Variants in TNRC6A observed in about 807,000 individuals in gnomAD.
The protein encoded by TNRC6A is trinucleotide repeat containing adaptor 6A, also known as trinucleotide repeat-containing gene 6A protein.
In TNRC6A, 44 loss-of-function variants were observed where a neutral mutation model predicts 221.2. That is an observed-to-expected ratio of 0.20 (90% confidence interval 0.16 to 0.26). The LOEUF (loss-of-function observed/expected upper bound fraction) is 0.26. Among genes scored for constraint, TNRC6A ranks in the 10% least tolerant of loss-of-function variants. TNRC6A has a pLI of 1.00. For synonymous variants in TNRC6A, 847 were observed against 838.5 expected (o/e 1.01, Z -0.18); for missense variants, 2,199 against 2,404.4 (o/e 0.91, Z 1.79).
At chr16:24,670,881 G>T (rs59062800) in intron 2 of TNRC6A, 2 of 265,896 alleles carry the variant, frequency 7.5e-6, no homozygotes, top group Non-Finnish European at 1.6e-5. Context: ...CACCTTGCCC[G>T]TTTCTCTCAC....
intron 2 of TNRC6A, among the ~76,000 whole-genome samples, chr16:24,655,825 A>G (rs2054900071): frequency 6.6e-6 from 1 of 152,148 alleles, no homozygotes; most frequent in South Asian, 2.1e-4. Context: ...GAATTAATAA[A>G]TGTTAGATAA....
At chr16:24,769,774 T>A (rs777689898) in intron 4 of TNRC6A, among the ~76,000 whole-genome samples, 1 of 152,230 alleles carries the variant, frequency 6.6e-6, no homozygotes, top group Non-Finnish European at 1.5e-5. Flanking sequence ...TCTCTTTTCT[T>A]TACTGGTTCT....
chr16:24,612,886 A>T (rs550577961), intron 1 of TNRC6A, among the ~76,000 whole-genome samples: 2 of 152,144 alleles, frequency 1.3e-5, no homozygotes, highest in Non-Finnish European at 2.9e-5. Flanking sequence ...AAGTCATCAC[A>T]CAAGATGATA....
At chr16:24,757,077 C>G (rs2057266985) in intron 3 of TNRC6A, among the ~76,000 whole-genome samples, 1 of 152,094 alleles carries the variant, frequency 6.6e-6, no homozygotes, top group African/African-American at 2.4e-5. Context: ...TTCCCAGAAA[C>G]AAATGAAGTG....
intron 2 of TNRC6A, among the ~76,000 whole-genome samples, chr16:24,682,827 A>G (rs772333282): frequency 3.3e-5 from 5 of 152,184 alleles, no homozygotes; most frequent in Non-Finnish European, 5.9e-5. Flanking sequence ...GTCAAAACCA[A>G]TGGGAAGCCA....
chr16:24,667,341 T>G (rs890999588), intron 2 of TNRC6A, among the ~76,000 whole-genome samples: 1 of 152,122 alleles, frequency 6.6e-6, no homozygotes, highest in African/African-American at 2.4e-5. Context: ...CCTGGCCCCC[T>G]GCACATGGCA....
Position 24,791,401 on chromosome 16 carries a change from A to G in TNRC6A, c.2759A>G (p.Gln920Arg), listed in dbSNP as rs1431526972. The G allele has an allele frequency of 6.4e-7, 1 of 1,562,572 alleles. No homozygotes were observed. Among genetic ancestry groups the G allele is most frequent in the East Asian group, 2.2e-5 (1 of 44,596 alleles). The change falls in exon 6 of 25, where the codon CAG becomes CGG. Residue 920 changes from glutamine (Q) to arginine (R), a missense_variant. Physicochemically the swap from Gln to Arg is conservative, Grantham distance 43. This residue lies in a region of TNRC6A where 1,405 missense variants were observed against 1,400.2 expected (regional missense o/e 1.00). Transcript: ENST00000395799. ...GAATCTTCTAAACCTACTCCTTCCC[A>G]GGGATGGGGAGACCCTCCAAAGTCT... The part of the protein sequence containing the change: ...WDESSKPTPS[Q>R]GWGDPPKSNQ...
chr16:24,696,728 CAA>C (rs1251210834), intron 2 of TNRC6A, among the ~76,000 whole-genome samples: 4 of 45,140 alleles, frequency 8.9e-5, no homozygotes, highest in East Asian at 7.6e-4. Flanking sequence ...GACCCTGTCT[CAA>C]AAAAAAAAAA....
Position 24,793,476 on chromosome 16 carries a change from G to T in TNRC6A, c.3179G>T (p.Trp1060Leu). Residue 1060 changes from tryptophan to leucine, a missense_variant, in exon 7 of 25, where the codon TGG becomes TTG. This residue lies in a region of TNRC6A where 1,405 missense variants were observed against 1,400.2 expected (regional missense o/e 1.00). Transcript: ENST00000395799. ...TCTTTTCCCACACTTTCTAAAGGCTGGGGTGAGCCCTGGGGGGAGCCTTCT... is the reference window on the plus strand; with the variant it reads ...TCTTTTCCCACACTTTCTAAAGGCTTGGGTGAGCCCTGGGGGGAGCCTTCT... ...SNKEASSGSGWGEPWGEPSTP... is the reference protein window; with the variant it reads ...SNKEASSGSGLGEPWGEPSTP... 6.9e-7 allele frequency: 1 copy of T among 1,447,226 alleles called. No homozygotes were observed. The highest frequency in any genetic ancestry group is 9.2e-7 in the Non-Finnish European group (1 of 1,090,148). 89.6% of individuals were successfully genotyped at this position (1,447,226 alleles called of 1,614,324 possible).
chr16:24,764,308 C>T (rs1471875155), intron 4 of TNRC6A, among the ~76,000 whole-genome samples: 2 of 151,748 alleles, frequency 1.3e-5, no homozygotes, highest in African/African-American at 4.8e-5. Flanking sequence ...TATATATTTG[C>T]CACAATTTCT....
At chr16:24,769,331 GA>G (rs1327018308) in intron 4 of TNRC6A, among the ~76,000 whole-genome samples, 1 of 151,862 alleles carries the variant, frequency 6.6e-6, no homozygotes, top group Non-Finnish European at 1.5e-5. Flanking sequence ...CACAGACTAG[GA>G]AAAGGTAGGG....
intron 4 of TNRC6A, among the ~76,000 whole-genome samples, chr16:24,769,731 C>T (rs2057551412): frequency 6.6e-6 from 1 of 152,192 alleles, no homozygotes. Flanking sequence ...CAGTGACCAT[C>T]ATTCTTACTT....
At chr16:24,655,263 C>CG (rs1366521447) in intron 2 of TNRC6A, among the ~76,000 whole-genome samples, 8 of 151,522 alleles carry the variant, frequency 5.3e-5, no homozygotes, top group Admixed American at 4.6e-4. Context: ...ATTTGAAAGG[C>CG]GGGGGGGAAC....
chr16:24,784,718 T>C (rs141106902), intron 5 of TNRC6A, among the ~76,000 whole-genome samples: 52 of 152,340 alleles, frequency 3.4e-4, no homozygotes, highest in African/African-American at 1.2e-3. Context: ...TAGGTTTTGA[T>C]CAAGTGGCTT....
intron 2 of TNRC6A, chr16:24,663,649 G>T (rs193216283): frequency 3.7e-6 from 1 of 271,536 alleles, no homozygotes; most frequent in East Asian, 9.2e-5. Flanking sequence ...CTCCTAGATA[G>T]TCATATGTGC....
chr16:24,743,474 C>T (rs1473315555), intron 2 of TNRC6A, among the ~76,000 whole-genome samples: 2 of 152,052 alleles, frequency 1.3e-5, no homozygotes, highest in African/African-American at 4.8e-5. Flanking sequence ...TACAGGCATG[C>T]ACCACCACAC....
intron 2 of TNRC6A, among the ~76,000 whole-genome samples, chr16:24,641,770 A>AT (rs1001573666): frequency 6.6e-6 from 1 of 152,142 alleles, no homozygotes; most frequent in African/African-American, 2.4e-5. Context: ...TTTCTTTTTC[A>AT]TTCATTCGAT....
At chr16:24,698,911 T>C (rs2055915371) in intron 2 of TNRC6A, among the ~76,000 whole-genome samples, 2 of 152,176 alleles carry the variant, frequency 1.3e-5, no homozygotes, top group African/African-American at 2.4e-5. Flanking sequence ...GGTTTCACTA[T>C]GTTGGCCAGG....
chr16:24,751,085 T>C (rs1055513074), intron 3 of TNRC6A, among the ~76,000 whole-genome samples: 4 of 152,184 alleles, frequency 2.6e-5, no homozygotes, highest in Non-Finnish European at 5.9e-5. Context: ...TGTTTCATAA[T>C]ATATCATTTT....
Sources: allele counts gnomAD v4.1 joint callset (sites outside exome capture counted in the v4.1 genomes callset), GRCh38; gene constraint gnomAD v4.1.1; regional missense constraint gnomAD v4.1.1; transcripts MANE v1.5; gene names NCBI Gene and HGNC (gene_info 2026-07-23, HGNC 2026-07-21).